SHC2: variants seen among roughly 807,000 people sequenced by gnomAD.
The protein encoded by SHC2 is SHC-transforming protein 2.
A neutral mutation model predicts 60.6 loss-of-function variants in SHC2; 62 were observed. The observed-to-expected ratio is 1.02, with a 90% CI of 0.83 to 1.26. SHC2 has a LOEUF of 1.26. Ranked by LOEUF, SHC2 falls within the 50% of genes most tolerant of loss-of-function variation. The probability of loss-of-function intolerance (pLI) is 0.00; values close to 1 mark genes in which losing one functional copy is unlikely to be tolerated. For missense variants in SHC2, 873 were observed against 822.2 expected (o/e 1.06, Z -0.76); for synonymous variants, 375 against 372.4 (o/e 1.01, Z -0.08).
At chr19:455,957 G>GC (rs34668580) in intron 1 of SHC2, among the ~76,000 whole-genome samples, 48,227 of 152,120 alleles carry the variant, frequency 0.32, 10,229 homozygotes, top group African/African-American at 0.61. Context: ...GAATCCGAGG[G>GC]TGGATGTGGA....
chr19:448,382 G>C (rs935109483), intron 1 of SHC2, among the ~76,000 whole-genome samples: 2 of 152,150 alleles, frequency 1.3e-5, no homozygotes, highest in Admixed American at 6.5e-5. Context: ...GCTTCTGGGG[G>C]CTCCCGGCGT....
chr19:419,283 TC>T (rs1010070507), intron 11 of SHC2: 95 of 504,446 alleles, frequency 1.9e-4, no homozygotes, highest in Non-Finnish European at 3.0e-4. Flanking sequence ...ACGCTTCCTG[TC>T]GGGAGCTGAA....
At chr19:455,024 C>T (rs185955913) in intron 1 of SHC2, among the ~76,000 whole-genome samples, 30 of 152,342 alleles carry the variant, frequency 2.0e-4, no homozygotes, top group East Asian at 9.6e-4. Flanking sequence ...CGGCAGTCAC[C>T]GGGTCAGGGT....
At position 446,189 on chromosome 19, in the gene SHC2, G is replaced by A. The variant is rs1171928131; in HGVS notation, c.469-5257C>T. Among the ~76,000 whole-genome samples the A allele has an allele frequency of 1.3e-5, 2 of 152,176 alleles. No homozygotes were observed. Among genetic ancestry groups the A allele is most frequent in the African/African-American group, 4.8e-5 (2 of 41,436 alleles). On this transcript the variant is annotated intron_variant, in intron 1 of 12. Transcript: ENST00000264554. The surrounding 1 kb of genome is among the most constrained non-coding windows in gnomAD (Gnocchi z 5.4). ...ACACGGGAGAGAGGCCTGGGACAGA[G>A]CCTCCCTCAGAGCCTCCAGCAGAAA... is the stretch of plus-strand genomic sequence containing the variant.
chr19:426,236 G>A (rs1974412328), intron 9 of SHC2, among the ~76,000 whole-genome samples: 1 of 152,224 alleles, frequency 6.6e-6, no homozygotes, highest in Non-Finnish European at 1.5e-5. Flanking sequence ...GAGGGCAGAG[G>A]GGCTTCTCCC....
At chr19:428,590 C>T (rs192993592) in intron 9 of SHC2, among the ~76,000 whole-genome samples, 60 of 152,288 alleles carry the variant, frequency 3.9e-4, no homozygotes, top group African/African-American at 1.3e-3. Context: ...CTTGAATATC[C>T]GTTGAAAAGC....
At chr19:450,168 G>A (rs960306630) in intron 1 of SHC2, among the ~76,000 whole-genome samples, 5 of 152,234 alleles carry the variant, frequency 3.3e-5, no homozygotes, top group South Asian at 4.1e-4. Flanking sequence ...GGCAGCCGGC[G>A]CTACAGGAGG....
Position 438,975 on chromosome 19 carries a change from TC to T in SHC2, c.594del (p.Lys200ArgfsTer21). ...AGACCACAAGCCTCACTCACCTTTT[TC>T]TTCCAGGATCCCCGGACGCCAGGCA... ...EAVPGVRGSW[K>X]KKAPNKALAS... On this transcript the variant is annotated frameshift_variant, in exon 3 of 13. Coordinates refer to ENST00000264554, the MANE Select transcript of SHC2 (RefSeq NM_012435.3). LOFTEE classifies it high-confidence loss of function. This position sits in a 1 kb window ranked among gnomAD's most constrained non-coding sequence, Gnocchi z 5.0. 8 of 1,600,436 alleles carry T rather than the reference TC, an allele frequency of 5.0e-6. No individual in the cohort carries two copies. The highest frequency in any genetic ancestry group is 6.8e-6 in the Non-Finnish European group (8 of 1,174,296).
chr19:451,089 T>C (rs113708455), intron 1 of SHC2, among the ~76,000 whole-genome samples: 1,382 of 66,418 alleles, frequency 0.021, 8 homozygotes, highest in African/African-American at 0.074. Flanking sequence ...CGTCGTATTT[T>C]AGCGTGTGGA....
rs1974352321 is a variant in SHC2, at chr19:424,238, TG to T, written c.1309+858del. Among the ~76,000 whole-genome samples, 1 of 152,100 alleles carries T rather than the reference TG, an allele frequency of 6.6e-6. No individual in the cohort carries two copies. The highest frequency in any genetic ancestry group is 1.5e-5 in the Non-Finnish European group (1 of 67,994). ...GAAGGACAAGCCTCCTCCGCCCGGC[TG>T]GGGGCTCCCTCGGGCTGGGTCATCC... On this transcript the variant is annotated intron_variant, in intron 10 of 12. Coordinates refer to ENST00000264554, the MANE Select transcript of SHC2 (RefSeq NM_012435.3). This position sits in a 1 kb window ranked among gnomAD's most constrained non-coding sequence, Gnocchi z 4.5.
At chr19:435,946 T>C in intron 7 of SHC2, 1 of 542,128 alleles carries the variant, frequency 1.8e-6, no homozygotes, top group Non-Finnish European at 3.3e-6. Context: ...GTCAGCTTGC[T>C]TAGTCCTCCC....
chr19:428,784 G>C (rs1448906167), intron 9 of SHC2, among the ~76,000 whole-genome samples: 1 of 142,820 alleles, frequency 7.0e-6, no homozygotes, highest in African/African-American at 2.5e-5. Flanking sequence ...ACCTAATACT[G>C]TGTGGATGAC....
intron 1 of SHC2, among the ~76,000 whole-genome samples, chr19:442,579 A>C (rs1422523849): frequency 1.5e-4 from 1 of 6,706 alleles, no homozygotes; most frequent in African/African-American, 5.8e-4. Context: ...GGATGGCTGG[A>C]TGGATGGGTG....
rs1238401795 is a variant in SHC2, at chr19:441,687, G to A, written c.469-755C>T. Among the ~76,000 whole-genome samples, 4 of 152,236 alleles carry A rather than the reference G, an allele frequency of 2.6e-5. No homozygotes were observed. Among genetic ancestry groups the A allele is most frequent in the East Asian group, 1.9e-4 (1 of 5,200 alleles). ...GGAGCCGGGGAATGAAGGCTGACAC[G>A]AACAGGTTTCCTACTGGGGTCATGA... On this transcript the variant is annotated intron_variant, in intron 1 of 12. Transcript: ENST00000264554. The surrounding 1 kb of genome is among the most constrained non-coding windows in gnomAD (Gnocchi z 4.9).
intron 8 of SHC2, among the ~76,000 whole-genome samples, chr19:434,367 CGTGA>C (rs1974657263): frequency 9.4e-3 from 12 of 1,270 alleles, no homozygotes; most frequent in Admixed American, 0.085. Flanking sequence ...ATCATGAGAT[CGTGA>C]GTGAGATGAT....
chr19:445,244 T>C lies in SHC2; in HGVS notation c.469-4312A>G, dbSNP rs1310820473. On this transcript the variant is annotated intron_variant, in intron 1 of 12. Coordinates refer to ENST00000264554, the MANE Select transcript of SHC2 (RefSeq NM_012435.3). This position sits in a 1 kb window ranked among gnomAD's most constrained non-coding sequence, Gnocchi z 4.4. ...GTGAGGGTATTTAAAGGTGGGCCTTTGGGAGGTGAGGAGGCTATGAGGGCT... is the reference window on the plus strand; with the variant it reads ...GTGAGGGTATTTAAAGGTGGGCCTTCGGGAGGTGAGGAGGCTATGAGGGCT... 1.3e-5 allele frequency among the ~76,000 whole-genome samples: 2 copies of C among 152,156 alleles called. No homozygotes were observed. Among genetic ancestry groups the C allele is most frequent in the African/African-American group, 4.8e-5 (2 of 41,440 alleles).
At chr19:447,200 C>G (rs945222204) in intron 1 of SHC2, among the ~76,000 whole-genome samples, 1 of 152,266 alleles carries the variant, frequency 6.6e-6, no homozygotes. Flanking sequence ...CGTGAGGACG[C>G]CGGACAGGAA....
intron 10 of SHC2, among the ~76,000 whole-genome samples, chr19:423,003 G>A (rs1187904859): frequency 6.6e-6 from 1 of 152,164 alleles, no homozygotes; most frequent in African/African-American, 2.4e-5. Context: ...GGGTGGGCGT[G>A]TCCCCAGGCA....
chr19:436,144 G>A (rs747368905), intron 7 of SHC2, 21 bp downstream of exon 7: 486 of 1,609,106 alleles, frequency 3.0e-4, no homozygotes, highest in South Asian at 4.8e-4. Flanking sequence ...CCCAGGGCAC[G>A]GGGGAGGCAG....
Sources: allele counts gnomAD v4.1 joint callset (sites outside exome capture counted in the v4.1 genomes callset), GRCh38; gene constraint gnomAD v4.1.1; non-coding constraint Gnocchi (gnomAD v3.1); transcripts MANE v1.5; gene names NCBI Gene and HGNC (gene_info 2026-07-23, HGNC 2026-07-21).